APP: variants seen among roughly 807,000 people sequenced by gnomAD.
APP encodes the protein amyloid beta precursor protein.
A neutral mutation model predicts 101.4 loss-of-function variants in APP; 31 were observed. The observed-to-expected ratio is 0.31, with a 90% CI of 0.23 to 0.41. The LOEUF (loss-of-function observed/expected upper bound fraction) is 0.41, where lower values mean the gene tolerates loss of function less well. Ranked by LOEUF, APP falls within the 10% of genes least tolerant of loss-of-function variation. APP has a pLI of 1.00. For synonymous variants in APP, 366 were observed against 364.4 expected, an observed-to-expected ratio of 1.00 and a Z score of -0.05; for missense variants, 839 against 1,003.7, an observed-to-expected ratio of 0.84 and a Z score of 2.22.
chr21:26,032,075 T>C (rs1482003083), intron 5 of APP, among the ~76,000 whole-genome samples: 1 of 152,222 alleles, frequency 6.6e-6, no homozygotes, highest in Non-Finnish European at 1.5e-5. Context: ...GTAAAGATGA[T>C]GTAGCTTCTT....
intron 6 of APP, among the ~76,000 whole-genome samples, chr21:26,006,510 A>G (rs1372782103): frequency 6.6e-6 from 1 of 152,176 alleles, no homozygotes; most frequent in Non-Finnish European, 1.5e-5. Context: ...GCTACATTCC[A>G]TTTTCTAAAA....
At chr21:25,910,903 G>A (rs562077709) in intron 14 of APP, among the ~76,000 whole-genome samples, 1 of 152,298 alleles carries the variant, frequency 6.6e-6, no homozygotes, top group Admixed American at 6.5e-5. Context: ...CTACTTTGGT[G>A]CCTGTCAAAT....
At chr21:25,932,691 C>T (rs1045728890) in intron 13 of APP, among the ~76,000 whole-genome samples, 48 of 151,948 alleles carry the variant, frequency 3.2e-4, no homozygotes, top group African/African-American at 1.1e-3. Context: ...GCACAGTTAG[C>T]CTTTCCTTAT....
chr21:26,132,826 G>T (rs2062822473), intron 1 of APP, among the ~76,000 whole-genome samples: 1 of 152,188 alleles, frequency 6.6e-6, no homozygotes, highest in South Asian at 2.1e-4. Flanking sequence ...TCAGAATCGG[G>T]TTGACATGGT....
chr21:25,898,743 G>C (rs1165774677), intron 15 of APP, among the ~76,000 whole-genome samples: 5 of 152,134 alleles, frequency 3.3e-5, no homozygotes, highest in African/African-American at 1.2e-4. Context: ...TTAAAACCTT[G>C]AACAGGTATC....
At chr21:25,961,844 G>GA (rs1334077554) in intron 11 of APP, among the ~76,000 whole-genome samples, 1 of 151,498 alleles carries the variant, frequency 6.6e-6, no homozygotes, top group Non-Finnish European at 1.5e-5. Flanking sequence ...CATATGATCA[G>GA]AAAAACAAAA....
rs2037718581 is a variant in APP, at chr21:25,891,850, C to T, written c.2083G>A (p.Val695Met). Residue 695 changes from valine to methionine, a missense_variant, in exon 17 of 18, where the codon GTG (valine) becomes ATG (methionine). By Grantham distance (21) the Val-to-Met change is conservative. Coordinates refer to ENST00000346798, the MANE Select transcript of APP (RefSeq NM_000484.4). ...HQKLVFFAED[V>M]GSNKGAIIGL... is the part of the protein sequence containing the mutation. Reference sequence around the variant, plus strand: ...ATGATTGCACCTTTGTTTGAACCCACATCTTCTGCAAAGAACACCTTGAAA... The same window carrying T: ...ATGATTGCACCTTTGTTTGAACCCATATCTTCTGCAAAGAACACCTTGAAA... 1.2e-6 allele frequency: 2 copies of T among 1,614,050 alleles called. No homozygotes were observed. Among genetic ancestry groups the T allele is most frequent in the South Asian group, 1.1e-5 (1 of 91,058 alleles).
intron 1 of APP, among the ~76,000 whole-genome samples, chr21:26,133,156 T>C (rs1569014545): frequency 6.6e-6 from 1 of 152,152 alleles, no homozygotes; most frequent in Non-Finnish European, 1.5e-5. Flanking sequence ...GAGGATCGCT[T>C]GAGCCCAGCA....
At chr21:25,906,640 C>T (rs1293234038) in intron 14 of APP, among the ~76,000 whole-genome samples, 1 of 152,216 alleles carries the variant, frequency 6.6e-6, no homozygotes, top group East Asian at 1.9e-4. Context: ...TACATTTCGA[C>T]AATGAGGTTT....
intron 5 of APP, among the ~76,000 whole-genome samples, chr21:26,039,137 T>C (rs2045260737): frequency 1.3e-5 from 2 of 152,358 alleles, no homozygotes; most frequent in East Asian, 3.9e-4. Flanking sequence ...GAAATCACTG[T>C]AAGTGCAATA....
intron 9 of APP, among the ~76,000 whole-genome samples, chr21:25,981,028 T>C (rs1460752444): frequency 6.6e-6 from 1 of 152,186 alleles, no homozygotes; most frequent in Non-Finnish European, 1.5e-5. Flanking sequence ...GTCTGGTACC[T>C]GGTCCTGGGG....
chr21:26,033,985 G>A (rs1426335135), intron 5 of APP, among the ~76,000 whole-genome samples: 1 of 152,198 alleles, frequency 6.6e-6, no homozygotes, highest in Non-Finnish European at 1.5e-5. Context: ...GAGGCATACA[G>A]CAGACAGCTG....
intron 1 of APP, among the ~76,000 whole-genome samples, chr21:26,154,640 G>C (rs1984578010): frequency 1.3e-5 from 2 of 152,220 alleles, no homozygotes; most frequent in South Asian, 4.1e-4. Flanking sequence ...AGTAACTAAA[G>C]GGGATGCAGC....
intron 11 of APP, among the ~76,000 whole-genome samples, chr21:25,956,120 A>G (rs2041309802): frequency 6.6e-6 from 1 of 152,326 alleles, no homozygotes; most frequent in African/African-American, 2.4e-5. Flanking sequence ...GTGAGACTAC[A>G]TTGCTACGTG....
At chr21:26,141,530 C>T (rs1246262162) in intron 1 of APP, among the ~76,000 whole-genome samples, 1 of 152,128 alleles carries the variant, frequency 6.6e-6, no homozygotes, top group East Asian at 1.9e-4. Context: ...AAGGAGAAGA[C>T]AGAGGATTAA....
intron 1 of APP, among the ~76,000 whole-genome samples, chr21:26,148,837 C>T (rs1040052285): frequency 1.3e-5 from 2 of 152,220 alleles, no homozygotes; most frequent in Non-Finnish European, 2.9e-5. Context: ...TTCTCCTAAG[C>T]AATCTATTTA....
chr21:26,033,440 C>T (rs942479501), intron 5 of APP, among the ~76,000 whole-genome samples: 3 of 152,000 alleles, frequency 2.0e-5, no homozygotes, highest in African/African-American at 7.2e-5. Flanking sequence ...AACCTCTTTC[C>T]TTTATAAACT....
At chr21:25,920,876 ACCTAATAGACAT>A (rs2039599137) in intron 13 of APP, among the ~76,000 whole-genome samples, 1 of 129,610 alleles carries the variant, frequency 7.7e-6, no homozygotes, top group Non-Finnish European at 1.6e-5. Context: ...CACCAAGCGG[ACCTAATAGACAT>A]CTACAGAACT....
chr21:25,918,202 C>T (rs1477000085), intron 13 of APP, among the ~76,000 whole-genome samples: 2 of 152,354 alleles, frequency 1.3e-5, no homozygotes, highest in African/African-American at 2.4e-5. Flanking sequence ...GATTATAAAT[C>T]ATTCTACTGT....
Sources: allele counts gnomAD v4.1 joint callset (sites outside exome capture counted in the v4.1 genomes callset), GRCh38; gene constraint gnomAD v4.1.1; transcripts MANE v1.5; gene names NCBI Gene and HGNC (gene_info 2026-07-23, HGNC 2026-07-21).